Variants in ANO3 observed in about 807,000 individuals in gnomAD.
The protein encoded by ANO3 is anoctamin 3.
In ANO3, 99 loss-of-function variants were observed where a neutral mutation model predicts 144.8. The observed-to-expected ratio is 0.68, with a 90% CI of 0.58 to 0.81. The LOEUF (loss-of-function observed/expected upper bound fraction) is 0.81. Among genes scored for constraint, ANO3 ranks in the 30% least tolerant of loss-of-function variants. The pLI is 0.00. For synonymous variants in ANO3, 414 were observed against 392.6 expected (o/e 1.05, Z -0.64); for missense variants, 905 against 1,202.2 (o/e 0.75, Z 3.66).
At chr11:26,632,108 C>A (rs1396622159) in intron 18 of ANO3, among the ~76,000 whole-genome samples, 3 of 151,676 alleles carry the variant, frequency 2.0e-5, no homozygotes, top group African/African-American at 7.3e-5. Context: ...AGAAGAATCT[C>A]TCGAACCCGG....
intron 1 of ANO3, among the ~76,000 whole-genome samples, chr11:26,238,957 G>A (rs1852594610): frequency 6.6e-6 from 1 of 150,892 alleles, no homozygotes; most frequent in African/African-American, 2.4e-5. Flanking sequence ...TGCATTTTAT[G>A]GAATTGTATT....
intron 1 of ANO3, among the ~76,000 whole-genome samples, chr11:26,400,023 T>C (rs765204284): frequency 4.2e-4 from 64 of 152,096 alleles, no homozygotes; most frequent in Non-Finnish European, 6.5e-4. Context: ...GTAGATGAAA[T>C]CACTTCCTTA....
At chr11:26,483,356 A>G (rs114377498) in intron 4 of ANO3, among the ~76,000 whole-genome samples, 1 of 152,148 alleles carries the variant, frequency 6.6e-6, no homozygotes, top group Non-Finnish European at 1.5e-5. Flanking sequence ...CCCAAATCGC[A>G]TGTTGAAATG....
chr11:26,269,281 A>G (rs1469854396), intron 1 of ANO3, among the ~76,000 whole-genome samples: 2 of 152,184 alleles, frequency 1.3e-5, no homozygotes, highest in Non-Finnish European at 2.9e-5. Context: ...CCTCTCAGGC[A>G]GGACTTCCTT....
chr11:26,301,938 G>C (rs1194138992), intron 1 of ANO3, among the ~76,000 whole-genome samples: 1 of 152,128 alleles, frequency 6.6e-6, no homozygotes, highest in Non-Finnish European at 1.5e-5. Flanking sequence ...TGTTTTAGAA[G>C]AGCATTTATG....
intron 13 of ANO3, among the ~76,000 whole-genome samples, chr11:26,557,904 T>C (rs1850136379): frequency 6.6e-6 from 1 of 152,220 alleles, no homozygotes; most frequent in African/African-American, 2.4e-5. Context: ...ATACATCCCA[T>C]GTGTAATAGC....
chr11:26,494,024 A>T (rs1258585052), intron 4 of ANO3, among the ~76,000 whole-genome samples: 2 of 152,206 alleles, frequency 1.3e-5, no homozygotes, highest in Admixed American at 1.3e-4. Flanking sequence ...ATGCTCAGTA[A>T]CAACTTTTTC....
At chr11:26,599,817 T>G (rs1176505128) in intron 17 of ANO3, 103 bp downstream of exon 17, 3 of 993,226 alleles carry the variant, frequency 3.0e-6, no homozygotes, top group Non-Finnish European at 4.2e-6. Flanking sequence ...GGAGCCAAAA[T>G]AAGACCAAGC....
intron 5 of ANO3, among the ~76,000 whole-genome samples, chr11:26,515,151 C>A (rs1237223591): frequency 1.3e-5 from 2 of 151,836 alleles, no homozygotes; most frequent in Non-Finnish European, 2.9e-5. Context: ...TTTAATAATC[C>A]TTTGTCTTTA....
intron 4 of ANO3, among the ~76,000 whole-genome samples, chr11:26,472,147 G>C (rs1859805771): frequency 6.6e-6 from 1 of 151,950 alleles, no homozygotes; most frequent in Non-Finnish European, 1.5e-5. Context: ...AAATCAAATA[G>C]TTCTCTAGTT....
intron 4 of ANO3, among the ~76,000 whole-genome samples, chr11:26,471,770 G>GA (rs986943438): frequency 6.6e-6 from 1 of 151,644 alleles, no homozygotes; most frequent in Non-Finnish European, 1.5e-5. Flanking sequence ...ACTATAAGGG[G>GA]AAAAAAATGT....
intron 14 of ANO3, among the ~76,000 whole-genome samples, chr11:26,567,839 G>A (rs1204894258): frequency 1.3e-5 from 2 of 151,970 alleles, no homozygotes; most frequent in African/African-American, 4.8e-5. Context: ...ACAGGCTAGA[G>A]CTGTATGCAA....
intron 1 of ANO3, among the ~76,000 whole-genome samples, chr11:26,202,581 G>A (rs1590190959): frequency 1.3e-5 from 2 of 151,588 alleles, no homozygotes; most frequent in Non-Finnish European, 2.9e-5. Context: ...TGTAGAGAAA[G>A]TATACAGTGG....
At chr11:26,246,945 T>C (rs1336063917) in intron 1 of ANO3, among the ~76,000 whole-genome samples, 1 of 152,166 alleles carries the variant, frequency 6.6e-6, no homozygotes, top group African/African-American at 2.4e-5. Flanking sequence ...TTTCTCCTTA[T>C]TTTTCTCAGG....
At chr11:26,564,112 C>T (rs957290693) in intron 14 of ANO3, among the ~76,000 whole-genome samples, 28 of 151,520 alleles carry the variant, frequency 1.8e-4, no homozygotes, top group South Asian at 6.2e-4. Context: ...AGTAAGCTAA[C>T]TAAATTTTTT....
At chr11:26,565,399 C>T (rs376485212) in intron 14 of ANO3, 1 of 1,613,146 alleles carries the variant, frequency 6.2e-7, no homozygotes, top group Admixed American at 1.7e-5. Context: ...GTGTCATTGA[C>T]CAAAGACCAA....
chr11:26,513,475 C>T (rs889026148), intron 5 of ANO3, among the ~76,000 whole-genome samples: 1 of 152,188 alleles, frequency 6.6e-6, no homozygotes, highest in Non-Finnish European at 1.5e-5. Flanking sequence ...TAAAACAAAT[C>T]GGGAACAACC....
intron 1 of ANO3, among the ~76,000 whole-genome samples, chr11:26,403,626 A>C (rs938525506): frequency 1.3e-5 from 2 of 151,850 alleles, no homozygotes; most frequent in African/African-American, 4.8e-5. Flanking sequence ...AGTCTTCAAA[A>C]ACTACCATTT....
chr11:26,447,671 T>C (rs1230803309), intron 3 of ANO3, among the ~76,000 whole-genome samples: 1 of 152,222 alleles, frequency 6.6e-6, no homozygotes, highest in Non-Finnish European at 1.5e-5. Context: ...AGTTTGATTT[T>C]TTTTTTGTTT....
Sources: allele counts gnomAD v4.1 joint callset (sites outside exome capture counted in the v4.1 genomes callset), GRCh38; gene constraint gnomAD v4.1.1; transcripts MANE v1.5; gene names NCBI Gene and HGNC (gene_info 2026-07-23, HGNC 2026-07-21).